Variants in NFIA observed in about 807,000 individuals in gnomAD.
The protein encoded by NFIA is nuclear factor 1 A-type.
In NFIA, 8 loss-of-function variants were observed where a neutral mutation model predicts 62.8. That is an observed-to-expected ratio of 0.13 (90% confidence interval 0.07 to 0.23). NFIA has a LOEUF of 0.23. Among genes scored for constraint, NFIA ranks in the 10% least tolerant of loss-of-function variants. The probability of loss-of-function intolerance (pLI) is 1.00; values close to 1 mark genes in which losing one functional copy is unlikely to be tolerated. For synonymous variants in NFIA, 235 were observed against 238.1 expected (o/e 0.99, Z 0.12); for missense variants, 410 against 642.1 (o/e 0.64, Z 3.91).
At chr1:61,085,372 A>C (rs1646200874) in intron 1 of NFIA, among the ~76,000 whole-genome samples, 1 of 152,178 alleles carries the variant, frequency 6.6e-6, no homozygotes, top group Admixed American at 6.5e-5. Context: ...CTCACTTTCA[A>C]ACAGATCAAT....
At chr1:61,251,566 A>G (rs1656042198) in intron 2 of NFIA, among the ~76,000 whole-genome samples, 1 of 152,224 alleles carries the variant, frequency 6.6e-6, no homozygotes, top group South Asian at 2.1e-4. Context: ...AAAAAGCAGA[A>G]GGTTGAGATT....
chr1:61,237,169 G>A (rs1049119264), intron 2 of NFIA, among the ~76,000 whole-genome samples: 9 of 152,198 alleles, frequency 5.9e-5, no homozygotes, highest in Non-Finnish European at 1.3e-4. Context: ...CCCTAAAATA[G>A]TTGGTGATAT....
Position 61,339,917 on chromosome 1 carries a change from C to T in NFIA, c.700+7331C>T, listed in dbSNP as rs1159971373. Among the ~76,000 whole-genome samples, 6 of 152,264 alleles carry T rather than the reference C, an allele frequency of 3.9e-5. No homozygotes were observed. In the East Asian group the frequency reaches 5.8e-4, roughly 15 times the overall value. On this transcript the variant is annotated intron_variant, in intron 4 of 10. Coordinates refer to ENST00000403491, the MANE Select transcript of NFIA (RefSeq NM_001134673.4). ...TTAAAAGGTGCATATACCTTGTGTT[C>T]GATATGTGCCCTGGCTGTTGTCATG...
chr1:61,287,716 A>G (rs1658597309), intron 3 of NFIA, among the ~76,000 whole-genome samples: 2 of 151,994 alleles, frequency 1.3e-5, no homozygotes, highest in South Asian at 4.2e-4. Context: ...ACAGTGAATA[A>G]TTTTTTAGTA....
intron 4 of NFIA, among the ~76,000 whole-genome samples, chr1:61,335,282 A>C (rs770094999): frequency 6.6e-6 from 1 of 152,066 alleles, no homozygotes; most frequent in African/African-American, 2.4e-5. Context: ...TCTTAGAGAT[A>C]ATCTAGGTTT....
intron 2 of NFIA, among the ~76,000 whole-genome samples, chr1:61,233,533 G>A (rs61770509): frequency 4.6e-5 from 7 of 152,198 alleles, no homozygotes; most frequent in African/African-American, 7.2e-5. Flanking sequence ...GAAGAGTCTC[G>A]TCATAGTTGG....
intron 2 of NFIA, among the ~76,000 whole-genome samples, chr1:61,236,157 T>G (rs1169615844): frequency 1.4e-5 from 2 of 138,378 alleles, no homozygotes; most frequent in African/African-American, 5.3e-5. Context: ...AAGTCCATCT[T>G]AAAAAAAAAA....
chr1:61,158,581 G>A lies in NFIA; in HGVS notation c.559+69901G>A, dbSNP rs186814582. Among the ~76,000 whole-genome samples the A allele has an allele frequency of 3.3e-5, 5 of 152,300 alleles. No homozygotes were observed. In the East Asian group the frequency reaches 7.7e-4, roughly 24 times the overall value. ...AGCTTTTCATAAGTGCACTGTCTCA[G>A]TATTCTGGTTTCTATTTAACAGAGA... On this transcript the variant is annotated intron_variant, in intron 2 of 10. Transcript: ENST00000403491.
intron 2 of NFIA, among the ~76,000 whole-genome samples, chr1:61,196,966 T>C (rs960818622): frequency 1.3e-5 from 2 of 151,790 alleles, no homozygotes. Context: ...GTGTGTGTGA[T>C]GCATATGTAT....
chr1:61,199,739 A>G (rs1369956044), intron 2 of NFIA, among the ~76,000 whole-genome samples: 1 of 151,944 alleles, frequency 6.6e-6, no homozygotes, highest in East Asian at 1.9e-4. Flanking sequence ...TCATGCCTGC[A>G]ATCCCAGCAC....
At chr1:61,154,169 A>G (rs1162300184) in intron 2 of NFIA, among the ~76,000 whole-genome samples, 1 of 152,032 alleles carries the variant, frequency 6.6e-6, no homozygotes, top group African/African-American at 2.4e-5. Flanking sequence ...TTTATTTTTG[A>G]GGTGGAGTCT....
chr1:61,268,939 C>G (rs1336212916), intron 2 of NFIA, among the ~76,000 whole-genome samples: 1 of 152,136 alleles, frequency 6.6e-6, no homozygotes, highest in East Asian at 1.9e-4. Context: ...TCTCCACCCC[C>G]ACCGTCCCCT....
chr1:61,375,482 G>C (rs1047800362), intron 6 of NFIA, among the ~76,000 whole-genome samples: 1 of 152,168 alleles, frequency 6.6e-6, no homozygotes, highest in Non-Finnish European at 1.5e-5. Context: ...TAATAGTTCA[G>C]ATTTAAATCA....
At chr1:61,289,510 T>C (rs1014575396) in intron 3 of NFIA, among the ~76,000 whole-genome samples, 1 of 152,220 alleles carries the variant, frequency 6.6e-6, no homozygotes, top group Admixed American at 6.5e-5. Flanking sequence ...TCCAGAGTCT[T>C]AACTGCTTAA....
intron 3 of NFIA, among the ~76,000 whole-genome samples, chr1:61,311,160 G>A (rs188876962): frequency 1.2e-3 from 180 of 152,298 alleles, no homozygotes; most frequent in African/African-American, 4.0e-3. Context: ...GGGAGGCCAA[G>A]GCAGGCAGAT....
intron 6 of NFIA, among the ~76,000 whole-genome samples, chr1:61,381,303 CA>C (rs1035793048): frequency 4.6e-5 from 7 of 152,128 alleles, no homozygotes; most frequent in African/African-American, 1.4e-4. Context: ...TTATTTCTTT[CA>C]TTTTTTTTAT....
At chr1:61,321,984 G>A (rs1304306604) in intron 3 of NFIA, among the ~76,000 whole-genome samples, 5 of 152,024 alleles carry the variant, frequency 3.3e-5, no homozygotes, top group African/African-American at 1.2e-4. Flanking sequence ...CAAGGCCTTT[G>A]GATTAGACTG....
intron 2 of NFIA, among the ~76,000 whole-genome samples, chr1:61,134,727 T>C (rs334732): frequency 0.93 from 141,287 of 152,272 alleles, 65,642 homozygotes; most frequent in East Asian, 0.96. Context: ...AGGTTACTGA[T>C]GCTTGTAATC....
At chr1:61,376,274 G>A (rs1287055639) in intron 6 of NFIA, among the ~76,000 whole-genome samples, 1 of 152,018 alleles carries the variant, frequency 6.6e-6, no homozygotes, top group Non-Finnish European at 1.5e-5. Flanking sequence ...GTCTAGGCTT[G>A]GACACTATCA....
Sources: gnomAD v4.1 joint callset for allele counts (sites outside exome capture counted in the v4.1 genomes callset) on GRCh38, gnomAD v4.1.1 for gene constraint, MANE v1.5 for transcripts, NCBI Gene and HGNC (gene_info 2026-07-23, HGNC 2026-07-21) for gene names.